The following CBLN2 variants were observed in gnomAD, a reference collection of about 807,000 sequenced individuals.
The protein encoded by CBLN2 is cerebellin 2 precursor.
A neutral mutation model predicts 15.0 loss-of-function variants in CBLN2; 7 were observed. The observed-to-expected ratio is 0.47, with a 90% CI of 0.27 to 0.88. The LOEUF (loss-of-function observed/expected upper bound fraction) is 0.88. Ranked by LOEUF, CBLN2 falls within the 40% of genes least tolerant of loss-of-function variation. CBLN2 has a pLI of 0.14. For missense variants in CBLN2, 242 were observed against 304.5 expected (o/e 0.79, Z 1.53); for synonymous variants, 149 against 135.2 (o/e 1.10, Z -0.71).
chr18:72,626,730 T>C (rs1054757765), intron 1 of CBLN2, among the ~76,000 whole-genome samples: 2 of 151,608 alleles, frequency 1.3e-5, no homozygotes, highest in Non-Finnish European at 2.9e-5. Flanking sequence ...AAAAAAGAAG[T>C]CCAGTTCATG....
rs570417434 is a variant in CBLN2, at chr18:72,573,187, C to T, written c.16-34415G>A. ...GTTGTTAAAATCTGCTCAGATGGCC[C>T]TACAGAATTTCAAGAGCAGCTGGAG... On this transcript the variant is annotated intron_variant, in intron 1 of 2. Coordinates refer to the CBLN2 transcript ENST00000581073. Among the ~76,000 whole-genome samples, 56 of 152,294 alleles carry T rather than the reference C, an allele frequency of 3.7e-4. 1 individual carries two copies. The highest frequency in any genetic ancestry group is 1.3e-3 in the African/African-American group (55 of 41,568).
chr18:72,582,012 C>T (rs1254418672), intron 1 of CBLN2, among the ~76,000 whole-genome samples: 1 of 152,140 alleles, frequency 6.6e-6, no homozygotes, highest in African/African-American at 2.4e-5. Context: ...GACTGCCTTT[C>T]CTCCACTGCT....
At chr18:72,634,861 TG>T (rs557999439) in intron 1 of CBLN2, among the ~76,000 whole-genome samples, 6 of 152,190 alleles carry the variant, frequency 3.9e-5, no homozygotes, top group Non-Finnish European at 8.8e-5. Context: ...TGTTTGCTTT[TG>T]GAGATTTGGA....
chr18:72,623,617 C>T (rs1007359300), intron 1 of CBLN2, among the ~76,000 whole-genome samples: 12 of 152,086 alleles, frequency 7.9e-5, no homozygotes, highest in African/African-American at 2.9e-4. Flanking sequence ...AACCTCATCA[C>T]GCTGCAGACA....
In CBLN2 at chr18:72,537,269, T is replaced by C. The variant is rs1251070806; in HGVS notation, c.*907A>G. 1 of 152,222 alleles carries C rather than the reference T, an allele frequency of 6.6e-6. No individual in the cohort carries two copies. Among genetic ancestry groups the C allele is most frequent in the Non-Finnish European group, 1.5e-5 (1 of 68,034 alleles). The allele number at this position is 152,222 out of a possible 1,614,324, so 9.4% of individuals were successfully genotyped here. A position where few individuals can be genotyped will look rare whatever the true frequency, so the allele number is the denominator to read the frequency against. ...TAAATTAAAAAAAAATGCAGGTTGC[T>C]ATTAATAGTTCTAAAGGTGCATCTT... On this transcript the variant is annotated 3_prime_UTR_variant, in exon 5 of 5. Coordinates refer to ENST00000269503, the MANE Select transcript of CBLN2 (RefSeq NM_182511.4).
chr18:72,547,224 G>A (rs1237858293), upstream of CBLN2, among the ~76,000 whole-genome samples: 1 of 152,090 alleles, frequency 6.6e-6, no homozygotes. Flanking sequence ...GATGGAACTG[G>A]AGGCCTCTAT....
At chr18:72,558,394 C>A (rs1436292339) in intron 1 of CBLN2, among the ~76,000 whole-genome samples, 1 of 152,210 alleles carries the variant, frequency 6.6e-6, no homozygotes, top group Non-Finnish European at 1.5e-5. Flanking sequence ...TGTCCTGCCC[C>A]TGTTTGATGC....
intron 1 of CBLN2, among the ~76,000 whole-genome samples, chr18:72,559,647 T>C (rs1169960361): frequency 1.3e-5 from 2 of 152,242 alleles, no homozygotes; most frequent in East Asian, 3.8e-4. Flanking sequence ...AAAGCACTTT[T>C]CATTGCCAGC....
chr18:72,545,239 C>T (rs28594399), upstream of CBLN2, among the ~76,000 whole-genome samples: 1,303 of 152,286 alleles, frequency 8.6e-3, 16 homozygotes, highest in African/African-American at 0.03. Context: ...ATGAAATTCA[C>T]GATCAGTTCA....
intron 1 of CBLN2, among the ~76,000 whole-genome samples, chr18:72,575,166 T>C (rs2069356801): frequency 6.6e-6 from 1 of 151,672 alleles, no homozygotes; most frequent in African/African-American, 2.4e-5. Context: ...GTATGGGAAG[T>C]GGTGGTCGGA....
At chr18:72,635,970 A>C (rs1451093958) in intron 1 of CBLN2, among the ~76,000 whole-genome samples, 1 of 152,166 alleles carries the variant, frequency 6.6e-6, no homozygotes, top group Non-Finnish European at 1.5e-5. Context: ...ATATAGAGGG[A>C]GATACATCAA....
At chr18:72,606,220 C>G (rs1018066581) in intron 1 of CBLN2, among the ~76,000 whole-genome samples, 3 of 152,166 alleles carry the variant, frequency 2.0e-5, no homozygotes, top group African/African-American at 2.4e-5. Context: ...AACTGCAACA[C>G]TTTTATCTGG....
At chr18:72,614,647 C>G (rs942428673) in intron 1 of CBLN2, among the ~76,000 whole-genome samples, 6 of 152,030 alleles carry the variant, frequency 3.9e-5, no homozygotes, top group African/African-American at 1.4e-4. Context: ...GTAGCCTGTG[C>G]TAAATTCTAG....
At chr18:72,609,862 A>C (rs893759843) in intron 1 of CBLN2, among the ~76,000 whole-genome samples, 6 of 152,130 alleles carry the variant, frequency 3.9e-5, no homozygotes, top group Non-Finnish European at 8.8e-5. Flanking sequence ...TTCCTACTTC[A>C]TGCCATTGGG....
chr18:72,603,510 T>C (rs565042159), intron 1 of CBLN2, among the ~76,000 whole-genome samples: 29 of 152,356 alleles, frequency 1.9e-4, no homozygotes, highest in South Asian at 4.1e-4. Flanking sequence ...TCCCTTAAAA[T>C]GCTAATTCAA....
chr18:72,597,622 T>C (rs1193408972), intron 1 of CBLN2, among the ~76,000 whole-genome samples: 1 of 152,156 alleles, frequency 6.6e-6, no homozygotes, highest in Non-Finnish European at 1.5e-5. Context: ...TGTCCTTCTC[T>C]TCAGGGAGAC....
chr18:72,637,732 G>T (rs540762580), intron 1 of CBLN2, among the ~76,000 whole-genome samples: 1 of 143,974 alleles, frequency 6.9e-6, no homozygotes, highest in South Asian at 2.4e-4. Context: ...AGATTGACAG[G>T]GGAACCCCCC....
chr18:72,553,733 G>A (rs1349753531), intron 1 of CBLN2, among the ~76,000 whole-genome samples: 2 of 152,104 alleles, frequency 1.3e-5, no homozygotes, highest in Non-Finnish European at 2.9e-5. Flanking sequence ...TAGAATGGGG[G>A]AAACCGTGGA....
At chr18:72,590,134 G>A (rs561116968) in intron 1 of CBLN2, among the ~76,000 whole-genome samples, 38 of 151,928 alleles carry the variant, frequency 2.5e-4, no homozygotes, top group Middle Eastern at 6.8e-3. Context: ...GCATGGTGGC[G>A]GGCACCTGTA....
Sources: gnomAD v4.1 joint callset for allele counts (sites outside exome capture counted in the v4.1 genomes callset) on GRCh38, gnomAD v4.1.1 for gene constraint, MANE v1.5 for transcripts, NCBI Gene and HGNC (gene_info 2026-07-23, HGNC 2026-07-21) for gene names.